Variants in HPSE observed in about 807,000 individuals in gnomAD.
HPSE encodes heparanase, also known as endo-glucoronidase.
In HPSE, 48 loss-of-function variants were observed where a neutral mutation model predicts 65.1. The ratio of observed to expected loss-of-function variants is 0.74; its 90% CI spans 0.58 to 0.94. The LOEUF (loss-of-function observed/expected upper bound fraction) is 0.94, where lower values mean the gene tolerates loss of function less well. HPSE is among the 40% of genes least tolerant of loss of function. The probability of loss-of-function intolerance (pLI) is 0.00; values close to 1 mark genes in which losing one functional copy is unlikely to be tolerated. For missense variants in HPSE, 644 were observed against 637.5 expected (o/e 1.01, Z -0.11); for synonymous variants, 243 against 260.0 (o/e 0.93, Z 0.63).
chr4:83,306,676 A>T (rs1037442284), intron 8 of HPSE, among the ~76,000 whole-genome samples: 1 of 152,192 alleles, frequency 6.6e-6, no homozygotes, highest in Non-Finnish European at 1.5e-5. Flanking sequence ...GTGTAGGCTG[A>T]ACTAACTTTG....
intron 11 of HPSE, among the ~76,000 whole-genome samples, chr4:83,296,804 A>G (rs1735742490): frequency 6.6e-6 from 1 of 152,196 alleles, no homozygotes; most frequent in Non-Finnish European, 1.5e-5. Context: ...AGTAAACACT[A>G]TAAAAGTATT....
Position 83,319,332 on chromosome 4 carries a change from T to C in HPSE, c.499+12A>G. ...GGGCTGGAACATCTCTAGGGTGCCT[T>C]TCATTTCTTACTTGAGTAGGTGCTG... On this transcript the variant is annotated intron_variant, in intron 3 of 11. Coordinates refer to ENST00000311412, the MANE Select transcript of HPSE (RefSeq NM_001098540.3). The C allele has an allele frequency of 6.2e-7, 1 of 1,613,550 alleles. No individual in the cohort carries two copies. Among genetic ancestry groups the C allele is most frequent in the South Asian group, 1.1e-5 (1 of 91,036 alleles).
chr4:83,310,931 TGTATTTAAAAGCAAACATATAGCA>T (rs1315343207), intron 4 of HPSE, 41 bp from the exon 5 acceptor site: 1 of 1,517,096 alleles, frequency 6.6e-7, no homozygotes, highest in South Asian at 1.2e-5. Flanking sequence ...CGAGAAATGT[TGTATTTAAAAGCAAACATATAGCA>T]GTATTTAAAA....
rs1053215042 is a variant in HPSE at position 83,326,202 on chromosome 4, T to C, written c.228-3838A>G. ...GATAAATTCAAGACACACTTAGAGG[T>C]AGAAATAATAGATTTGAGTTTTTAA... On this transcript the variant is annotated intron_variant, in intron 1 of 11. Transcript: ENST00000311412. This position sits in a 1 kb window ranked among gnomAD's most constrained non-coding sequence, Gnocchi z 4.2. 6.6e-6 allele frequency among the ~76,000 whole-genome samples: 1 copy of C among 152,086 alleles called. No homozygotes were observed. The highest frequency in any genetic ancestry group is 2.4e-5 in the African/African-American group (1 of 41,392).
intron 1 of HPSE, among the ~76,000 whole-genome samples, chr4:83,322,629 A>G (rs1736955746): frequency 6.6e-6 from 1 of 152,000 alleles, no homozygotes; most frequent in African/African-American, 2.4e-5. Flanking sequence ...AGCTGAGATT[A>G]CAGGCAGTAT....
chr4:83,306,665 G>T lies in HPSE; in HGVS notation c.1092-348C>A, dbSNP rs562541798. ...TTTAAGCTGTCCTTCTTCATTCCTG[G>T]GTGTAGGCTGAACTAACTTTGGGAA... On this transcript the variant is annotated intron_variant, in intron 8 of 11. Transcript: ENST00000311412. Among the ~76,000 whole-genome samples, 30 of 152,222 alleles carry T rather than the reference G, an allele frequency of 2.0e-4. 1 individual carries two copies. Among genetic ancestry groups the T allele is most frequent in the African/African-American group, 6.5e-4 (27 of 41,518 alleles).
At chr4:83,315,222 G>T (rs1736581262) in intron 3 of HPSE, among the ~76,000 whole-genome samples, 1 of 151,912 alleles carries the variant, frequency 6.6e-6, no homozygotes, top group African/African-American at 2.4e-5. Flanking sequence ...AACAACTCTT[G>T]CAAGCTGCTT....
chr4:83,319,946 C>T (rs1049580909), intron 2 of HPSE, among the ~76,000 whole-genome samples: 8 of 150,326 alleles, frequency 5.3e-5, no homozygotes, highest in African/African-American at 2.0e-4. Flanking sequence ...CTTCAACCCA[C>T]GAGGCGGAGG....
intron 9 of HPSE, 127 bp from the exon 10 acceptor site, chr4:83,302,395 A>G (rs1007393378): frequency 3.2e-6 from 2 of 620,706 alleles, no homozygotes; most frequent in African/African-American, 3.8e-5. Context: ...GGGCATTTAA[A>G]TAGGATTCAT....
intron 3 of HPSE, among the ~76,000 whole-genome samples, chr4:83,318,143 A>G (rs544458961): frequency 6.6e-6 from 1 of 152,352 alleles, no homozygotes; most frequent in African/African-American, 2.4e-5. Context: ...ATTAATTAAA[A>G]TAATATACTT....
At chr4:83,317,153 C>T (rs1300368351) in intron 3 of HPSE, among the ~76,000 whole-genome samples, 3 of 152,250 alleles carry the variant, frequency 2.0e-5, no homozygotes, top group Non-Finnish European at 4.4e-5. Flanking sequence ...CCCGCCTCAG[C>T]CTCCCAAAGT....
intron 1 of HPSE, among the ~76,000 whole-genome samples, chr4:83,330,256 G>T: frequency 6.6e-6 from 1 of 152,240 alleles, no homozygotes. Context: ...AGGGAAGACA[G>T]TGTCATCAGA....
At chr4:83,303,652 C>T (rs777602459) in intron 9 of HPSE, among the ~76,000 whole-genome samples, 7 of 152,114 alleles carry the variant, frequency 4.6e-5, no homozygotes, top group African/African-American at 1.2e-4. Flanking sequence ...TGGGCTAAAG[C>T]GATCCTCCTG....
At chr4:83,318,329 TAAAAA>T (rs1219223118) in intron 3 of HPSE, among the ~76,000 whole-genome samples, 3 of 151,952 alleles carry the variant, frequency 2.0e-5, no homozygotes, top group Non-Finnish European at 4.4e-5. Flanking sequence ...ATTTCATAGT[TAAAAA>T]AGGATTGTGG....
At chr4:83,297,210 T>C (rs1578001182) in intron 11 of HPSE, among the ~76,000 whole-genome samples, 1 of 152,308 alleles carries the variant, frequency 6.6e-6, no homozygotes, top group Non-Finnish European at 1.5e-5. Context: ...ATAGCCTAGA[T>C]ACATAGTAGG....
At chr4:83,329,498 G>C (rs1409411142) in intron 1 of HPSE, among the ~76,000 whole-genome samples, 1 of 152,160 alleles carries the variant, frequency 6.6e-6, no homozygotes, top group Non-Finnish European at 1.5e-5. Flanking sequence ...CTGTTCAGTG[G>C]AGGTATTTAA....
rs1448230491 is a variant in HPSE, at chr4:83,308,850, G to C, written c.1086C>G (p.Gly362=). The part of the protein sequence containing the change: ...APLLSDTFAA[G]FMWLDKLGLS... ...GCCAGCGCTGCTTCACTCACATAAAGCCAGCTGCAAAGGTGTCGGATAGCA... is the reference window on the plus strand; with the variant it reads ...GCCAGCGCTGCTTCACTCACATAAACCCAGCTGCAAAGGTGTCGGATAGCA... Residue 362 remains glycine, a synonymous_variant, in exon 8 of 12, where the codon GGC becomes GGG. Transcript: ENST00000311412. The C allele has an allele frequency of 1.2e-6, 2 of 1,612,884 alleles. No individual in the cohort carries two copies. Among genetic ancestry groups the C allele is most frequent in the African/African-American group, 1.3e-5 (1 of 74,902 alleles).
chr4:83,305,372 A>G (rs998773975), intron 9 of HPSE, among the ~76,000 whole-genome samples: 1 of 152,210 alleles, frequency 6.6e-6, no homozygotes, highest in Admixed American at 6.5e-5. Context: ...AAAGATGACT[A>G]ATATGTTCCA....
At chr4:83,313,413 T>C in intron 3 of HPSE, 126 bp from the exon 4 acceptor site, 1 of 600,820 alleles carries the variant, frequency 1.7e-6, no homozygotes, top group Non-Finnish European at 2.8e-6. Flanking sequence ...TAATAAATGA[T>C]TATAATTATG....
Sources: gnomAD v4.1 joint callset for allele counts (sites outside exome capture counted in the v4.1 genomes callset) on GRCh38, gnomAD v4.1.1 for gene constraint, Gnocchi (gnomAD v3.1) non-coding constraint, MANE v1.5 for transcripts, NCBI Gene and HGNC (gene_info 2026-07-23, HGNC 2026-07-21) for gene names.